The following RAB3IP variants were observed in gnomAD, a reference collection of about 807,000 sequenced individuals.
RAB3IP encodes the protein RAB3A interacting protein.
Under a neutral mutation model 59.1 loss-of-function variants are expected in RAB3IP, and 36 were observed. The ratio of observed to expected loss-of-function variants is 0.61; its 90% CI spans 0.47 to 0.80. RAB3IP has a LOEUF of 0.80. Ranked by LOEUF, RAB3IP falls within the 30% of genes least tolerant of loss-of-function variation. The pLI is 0.00. For synonymous variants in RAB3IP, 207 were observed against 191.2 expected, an observed-to-expected ratio of 1.08 and a Z score of -0.68; for missense variants, 511 against 536.0, an observed-to-expected ratio of 0.95 and a Z score of 0.46.
intron 3 of RAB3IP, among the ~76,000 whole-genome samples, chr12:69,766,657 G>A (rs1232908761): frequency 2.6e-5 from 4 of 152,114 alleles, no homozygotes; most frequent in South Asian, 2.1e-4. Context: ...AAGTAGCTGG[G>A]ATTACAGGCG....
chr12:69,744,620 A>G (rs747072115), intron 1 of RAB3IP, among the ~76,000 whole-genome samples: 6 of 151,160 alleles, frequency 4.0e-5, no homozygotes, highest in Non-Finnish European at 8.8e-5. Flanking sequence ...GCTATTCAGG[A>G]GACAGATGTT....
chr12:69,752,545 T>G (rs1181570493), intron 1 of RAB3IP, among the ~76,000 whole-genome samples: 1 of 152,166 alleles, frequency 6.6e-6, no homozygotes, highest in Non-Finnish European at 1.5e-5. Context: ...TGTTGCCAGT[T>G]TATCTTTAGG....
intron 8 of RAB3IP, among the ~76,000 whole-genome samples, chr12:69,811,207 GAAC>G (rs757975485): frequency 2.0e-5 from 3 of 152,090 alleles, no homozygotes; most frequent in Non-Finnish European, 4.4e-5. Flanking sequence ...ACATAGAAGG[GAAC>G]AACACACACT....
intron 4 of RAB3IP, among the ~76,000 whole-genome samples, chr12:69,787,101 A>T (rs567991547): frequency 1.0e-3 from 152 of 152,266 alleles, no homozygotes; most frequent in Admixed American, 1.9e-3. Flanking sequence ...TCTTTTTAGG[A>T]ATTAAAGATT....
At chr12:69,805,743 T>G (rs1207670441) in intron 8 of RAB3IP, among the ~76,000 whole-genome samples, 1 of 152,198 alleles carries the variant, frequency 6.6e-6, no homozygotes, top group Non-Finnish European at 1.5e-5. Flanking sequence ...TTTCTGCATC[T>G]ATTGAGATAA....
rs1234954185 is a variant in RAB3IP at position 69,767,694 on chromosome 12, G to T, written c.510+11031G>T. 2.6e-5 allele frequency among the ~76,000 whole-genome samples: 4 copies of T among 151,856 alleles called. No individual in the cohort carries two copies. The East Asian group carries it at 7.7e-4, about 29-fold the overall frequency. On this transcript the variant is annotated intron_variant, in intron 3 of 10. Coordinates refer to ENST00000247833, the MANE Select transcript of RAB3IP (RefSeq NM_022456.5). The stretch of plus-strand genomic sequence containing the variant: ...GCAGAGAGGACCCCCCTATACCAAG[G>T]CCTCTGCACAGGAGGAGTGAGGCAA...
At chr12:69,809,372 T>A (rs1383139237) in intron 8 of RAB3IP, among the ~76,000 whole-genome samples, 1 of 152,184 alleles carries the variant, frequency 6.6e-6, no homozygotes, top group Non-Finnish European at 1.5e-5. Flanking sequence ...CTGACAATTA[T>A]GTGTCTTGGA....
chr12:69,784,673 A>G, intron 3 of RAB3IP, 47 bp from the exon 4 acceptor site: 6 of 1,095,550 alleles, frequency 5.5e-6, no homozygotes, highest in Non-Finnish European at 8.2e-6. Flanking sequence ...TGCTGAATCT[A>G]ACTTCAAACT....
intron 1 of RAB3IP, chr12:69,739,771 G>A (rs1398398764): frequency 6.3e-7 from 1 of 1,575,944 alleles, no homozygotes; most frequent in Non-Finnish European, 8.7e-7. Flanking sequence ...CGACCGCCCA[G>A]GAAGCGCGAG....
intron 3 of RAB3IP, among the ~76,000 whole-genome samples, chr12:69,761,886 A>G (rs1267625050): frequency 2.0e-5 from 3 of 152,200 alleles, no homozygotes; most frequent in Non-Finnish European, 4.4e-5. Context: ...GAAATAATTC[A>G]GAGATCTGTT....
At chr12:69,809,320 G>C (rs1880010195) in intron 8 of RAB3IP, among the ~76,000 whole-genome samples, 1 of 152,116 alleles carries the variant, frequency 6.6e-6, no homozygotes, top group Admixed American at 6.5e-5. Flanking sequence ...TTTCTCTCTG[G>C]CTGCCCTTAA....
At chr12:69,779,544 CT>C (rs544814718) in intron 3 of RAB3IP, among the ~76,000 whole-genome samples, 43 of 147,648 alleles carry the variant, frequency 2.9e-4, no homozygotes, top group South Asian at 4.3e-4. Flanking sequence ...CCTCTTTAGT[CT>C]TTTTTTTTTT....
At chr12:69,757,101 T>C (rs930903982) in intron 3 of RAB3IP, among the ~76,000 whole-genome samples, 5 of 152,252 alleles carry the variant, frequency 3.3e-5, no homozygotes, top group African/African-American at 1.2e-4. Flanking sequence ...ATTTTCTTGG[T>C]AAATTGTTGT....
chr12:69,778,141 C>T (rs1873960536), intron 3 of RAB3IP, among the ~76,000 whole-genome samples: 1 of 2,702 alleles, frequency 3.7e-4, no homozygotes, highest in African/African-American at 1.7e-3. Context: ...TCTAAACTTC[C>T]CTTCTCCCTT....
intron 3 of RAB3IP, among the ~76,000 whole-genome samples, chr12:69,763,677 T>G (rs549483102): frequency 1.3e-4 from 20 of 152,322 alleles, no homozygotes; most frequent in African/African-American, 4.1e-4. Context: ...ATATATTGTA[T>G]AGTTCTGTGG....
chr12:69,762,774 A>G (rs1404413800), intron 3 of RAB3IP, among the ~76,000 whole-genome samples: 19 of 149,552 alleles, frequency 1.3e-4, no homozygotes, highest in African/African-American at 2.0e-4. Context: ...AAAAAAAAAA[A>G]AAAAAGAAAA....
chr12:69,744,581 G>C (rs1887661203), intron 1 of RAB3IP, among the ~76,000 whole-genome samples: 2 of 151,882 alleles, frequency 1.3e-5, no homozygotes, highest in South Asian at 4.2e-4. Context: ...AAAATTAGCT[G>C]GGTGTGGTGG....
chr12:69,747,331 T>TGTGTGTGTGTGTGA (rs1165639333), intron 1 of RAB3IP, among the ~76,000 whole-genome samples: 13 of 86,004 alleles, frequency 1.5e-4, no homozygotes, highest in African/African-American at 4.9e-4. Context: ...TGTGTGTGTG[T>TGTGTGTGTGTGTGA]GAGAGAGAGA....
intron 4 of RAB3IP, among the ~76,000 whole-genome samples, chr12:69,788,142 A>G (rs2136213966): frequency 6.6e-6 from 1 of 152,222 alleles, no homozygotes; most frequent in South Asian, 2.1e-4. Flanking sequence ...TCAAAAATAG[A>G]TCTAATACTG....
Sources: gnomAD v4.1 joint callset for allele counts (sites outside exome capture counted in the v4.1 genomes callset) on GRCh38, gnomAD v4.1.1 for gene constraint, MANE v1.5 for transcripts, NCBI Gene and HGNC (gene_info 2026-07-23, HGNC 2026-07-21) for gene names.